TMEM181: variants seen among roughly 807,000 people sequenced by gnomAD.
TMEM181 encodes transmembrane protein 181, also known as G protein-coupled receptor 178.
A neutral mutation model predicts 71.9 loss-of-function variants in TMEM181; 39 were observed. The ratio of observed to expected loss-of-function variants is 0.54; its 90% CI spans 0.42 to 0.71. TMEM181 has a LOEUF of 0.71. TMEM181 is among the 30% of genes least tolerant of loss of function. TMEM181 has a pLI of 0.00. For missense variants in TMEM181, 595 were observed against 583.0 expected, an observed-to-expected ratio of 1.02 and a Z score of -0.21; for synonymous variants, 245 against 228.8, an observed-to-expected ratio of 1.07 and a Z score of -0.64.
intron 11 of TMEM181, 72 bp from the exon 12 acceptor site, chr6:158,625,032 C>A (rs951553884): frequency 5.0e-6 from 6 of 1,197,362 alleles, no homozygotes; most frequent in Non-Finnish European, 7.5e-6. Context: ...GCTTTCCTGC[C>A]TGTGGTGGTG....
intron 1 of TMEM181, among the ~76,000 whole-genome samples, chr6:158,540,257 G>A (rs182845284): frequency 6.6e-5 from 10 of 152,312 alleles, no homozygotes; most frequent in South Asian, 4.1e-4. Flanking sequence ...GAATGTTCAC[G>A]CACTGCGGAT....
chr6:158,626,760 C>T, intron 13 of TMEM181: 1 of 457,206 alleles, frequency 2.2e-6, no homozygotes, highest in South Asian at 1.5e-5. Context: ...AACCTCACAA[C>T]CTCACATAGA....
At chr6:158,551,796 A>C (rs1781732173) in intron 1 of TMEM181, among the ~76,000 whole-genome samples, 1 of 152,218 alleles carries the variant, frequency 6.6e-6, no homozygotes, top group Non-Finnish European at 1.5e-5. Flanking sequence ...CCATAAATGT[A>C]ATTGAAAGAA....
At chr6:158,566,844 C>T (rs1782537158) in intron 1 of TMEM181, among the ~76,000 whole-genome samples, 1 of 152,056 alleles carries the variant, frequency 6.6e-6, no homozygotes, top group Non-Finnish European at 1.5e-5. Context: ...ACAAACCTCA[C>T]CTTGCTTGGA....
At chr6:158,631,029 C>A (rs577074096) in intron 15 of TMEM181, among the ~76,000 whole-genome samples, 3 of 152,382 alleles carry the variant, frequency 2.0e-5, no homozygotes, top group African/African-American at 7.2e-5. Context: ...CAGCTCCCCA[C>A]TCCTTGTGTC....
Position 158,625,189 on chromosome 6 carries a change from G to A in TMEM181, c.1040G>A (p.Arg347His), listed in dbSNP as rs759806891. Residue 347 changes from arginine to histidine, a missense_variant, in exon 12 of 17, where the codon CGT (arginine) becomes CAT (histidine). Arg to His is a conservative substitution (Grantham distance 29). Transcript: ENST00000684151. ...ATAGTGCGGGCGTGTTCCGAGCTAC[G>A]TCACATGCCTTATGTGGGTAAGTGC... is the stretch of plus-strand genomic sequence containing the variant. ...FLIVRACSEL[R>H]HMPYVDLRLK... The A allele has an allele frequency of 2.7e-5, 43 of 1,613,996 alleles. No individual in the cohort carries two copies. The highest frequency in any genetic ancestry group is 1.1e-4 in the East Asian group (5 of 44,898).
At chr6:158,625,347 CA>C in intron 12 of TMEM181, 141 bp downstream of exon 12, 1 of 725,512 alleles carries the variant, frequency 1.4e-6, no homozygotes, top group Non-Finnish European at 2.3e-6. Flanking sequence ...GGGACCAGGG[CA>C]CGTGGTCCCT....
At chr6:158,618,891 A>G (rs1403695650) in intron 10 of TMEM181, among the ~76,000 whole-genome samples, 2 of 152,200 alleles carry the variant, frequency 1.3e-5, no homozygotes, top group Non-Finnish European at 2.9e-5. Flanking sequence ...CTTTGTGAGT[A>G]ACCTGACCTT....
chr6:158,623,477 C>T, intron 10 of TMEM181, 73 bp from the exon 11 acceptor site: 2 of 1,085,692 alleles, frequency 1.8e-6, no homozygotes, highest in East Asian at 2.8e-5. Flanking sequence ...AACAAAAAGT[C>T]AATAAGAAAA....
chr6:158,608,349 C>G lies in TMEM181; in HGVS notation c.690C>G (p.Leu230=). The G allele has an allele frequency of 1.2e-6, 2 of 1,614,262 alleles. No homozygotes were observed. Among genetic ancestry groups the G allele is most frequent in the African/African-American group, 1.3e-5 (1 of 75,058 alleles). The change falls in exon 9 of 17, where the codon CTC becomes CTG. Residue 230 remains leucine (L), a synonymous_variant. Coordinates refer to ENST00000684151, the MANE Select transcript of TMEM181 (RefSeq NM_001376852.1). The stretch of plus-strand genomic sequence containing the variant: ...GTGTTCCAGATCCGTTCTTCCCCCT[C>G]TCCTTCCTGGTCAACAGCTGGCTCC... The part of the protein sequence containing the change: ...LLLYNDPFFP[L]SFLVNSWLPG...
chr6:158,607,161 C>G, intron 7 of TMEM181, 83 bp from the exon 8 acceptor site: 1 of 1,119,312 alleles, frequency 8.9e-7, no homozygotes, highest in South Asian at 1.3e-5. Context: ...AGAAGACAAC[C>G]TGGTATGCCG....
rs55849301 is a variant in TMEM181 at position 158,611,976 on chromosome 6, AC to A, written c.896+3234del. 1.1e-3 allele frequency among the ~76,000 whole-genome samples: 139 copies of A among 130,252 alleles called. 5 individuals carry two copies. In the South Asian group the frequency reaches 0.029, roughly 27 times the overall value. The allele number at this position is 130,252 out of a possible 152,430, so 85.5% of individuals were successfully genotyped here. ...TACAACTCCCTGCAGCTGCAGGGAT[AC>A]CCCCCCCACCTCCTAGTCTGCTTTT... On this transcript the variant is annotated intron_variant, in intron 10 of 16. Coordinates refer to ENST00000684151, the MANE Select transcript of TMEM181 (RefSeq NM_001376852.1).
intron 3 of TMEM181, among the ~76,000 whole-genome samples, chr6:158,581,409 C>T (rs549110109): frequency 1.3e-5 from 2 of 152,302 alleles, no homozygotes; most frequent in Middle Eastern, 3.4e-3. Context: ...CTAATGATTA[C>T]TTTGTATTCC....
At chr6:158,548,638 T>TA (rs1384437395) in intron 1 of TMEM181, among the ~76,000 whole-genome samples, 1 of 152,138 alleles carries the variant, frequency 6.6e-6, no homozygotes, top group African/African-American at 2.4e-5. Context: ...CCTCATTCTC[T>TA]AAACAATGAG....
intron 6 of TMEM181, 111 bp from the exon 7 acceptor site, chr6:158,605,156 G>GTA: frequency 1.8e-6 from 1 of 568,854 alleles, no homozygotes; most frequent in Non-Finnish European, 3.1e-6. Flanking sequence ...GTGTGTGTGT[G>GTA]TGTATGTGTA....
At chr6:158,571,649 G>A (rs1418282534) in intron 1 of TMEM181, among the ~76,000 whole-genome samples, 1 of 152,246 alleles carries the variant, frequency 6.6e-6, no homozygotes, top group East Asian at 1.9e-4. Flanking sequence ...CTAAGGAATA[G>A]ACTTGACACC....
At chr6:158,579,265 TAAA>T (rs34507190) in intron 2 of TMEM181, among the ~76,000 whole-genome samples, 3 of 138,402 alleles carry the variant, frequency 2.2e-5, no homozygotes, top group Non-Finnish European at 4.7e-5. Context: ...GTCTCAAAAT[TAAA>T]AAAAAAAAAA....
chr6:158,580,030 C>T (rs1783385237), intron 2 of TMEM181, among the ~76,000 whole-genome samples: 1 of 151,976 alleles, frequency 6.6e-6, no homozygotes, highest in Admixed American at 6.6e-5. Context: ...GAACTGTATG[C>T]TTAAAAATGG....
upstream of TMEM181, among the ~76,000 whole-genome samples, chr6:158,559,876 T>C (rs945358352): frequency 2.0e-5 from 3 of 152,100 alleles, no homozygotes; most frequent in African/African-American, 4.8e-5. Context: ...GGACAAGAGG[T>C]AAACTAAGTC....
Sources: gnomAD v4.1 joint callset for allele counts (sites outside exome capture counted in the v4.1 genomes callset) on GRCh38, gnomAD v4.1.1 for gene constraint, MANE v1.5 for transcripts, NCBI Gene and HGNC (gene_info 2026-07-23, HGNC 2026-07-21) for gene names.